Variants in CTNNAL1 observed in about 807,000 individuals in gnomAD.
CTNNAL1 encodes the protein catenin alpha like 1.
Under a neutral mutation model 93.6 loss-of-function variants are expected in CTNNAL1, and 69 were observed. The observed-to-expected ratio is 0.74, with a 90% CI of 0.61 to 0.90. The LOEUF (loss-of-function observed/expected upper bound fraction) is 0.90, where lower values mean the gene tolerates loss of function less well. CTNNAL1 is among the 40% of genes least tolerant of loss of function. The probability of loss-of-function intolerance (pLI) is 0.00; values close to 1 mark genes in which losing one functional copy is unlikely to be tolerated. For synonymous variants in CTNNAL1, 286 were observed against 305.4 expected (o/e 0.94, Z 0.66); for missense variants, 836 against 862.0 (o/e 0.97, Z 0.38).
rs778219753 is a variant in CTNNAL1, at chr9:108,999,038, AAT to A, written c.331+27_331+28del. 3.8e-5 allele frequency: 60 copies of A among 1,577,142 alleles called. No homozygotes were observed. The African/African-American group carries it at 7.2e-4, about 19-fold the overall frequency. On this transcript the variant is annotated intron_variant, in intron 2 of 18. Transcript: ENST00000325551. ...TAACCAAAGCAATAAAAGTGGTATG[AAT>A]AGTCTTCAAAATCAATATCCACCTA... is the stretch of plus-strand genomic sequence containing the variant.
At chr9:108,962,368 C>T (rs1830841123) in intron 11 of CTNNAL1, among the ~76,000 whole-genome samples, 1 of 152,118 alleles carries the variant, frequency 6.6e-6, no homozygotes, top group South Asian at 2.1e-4. Flanking sequence ...TTTTACTTTT[C>T]CTTAAACTTC....
intron 8 of CTNNAL1, among the ~76,000 whole-genome samples, chr9:108,973,428 T>G (rs1831173428): frequency 6.6e-6 from 1 of 152,204 alleles, no homozygotes; most frequent in South Asian, 2.1e-4. Context: ...ACTGTAGCAC[T>G]GTACTAGAGG....
At chr9:108,982,552 C>CA (rs1831466300) in intron 6 of CTNNAL1, among the ~76,000 whole-genome samples, 1 of 152,260 alleles carries the variant, frequency 6.6e-6, no homozygotes, top group South Asian at 2.1e-4. Flanking sequence ...AGGAAGGGAA[C>CA]ATTCTTTTGA....
chr9:108,983,225 C>T lies in CTNNAL1; in HGVS notation c.820G>A (p.Glu274Lys), dbSNP rs774871628. 53 of 1,595,552 alleles carry T rather than the reference C, an allele frequency of 3.3e-5. No homozygotes were observed. The highest frequency in any genetic ancestry group is 4.2e-5 in the Non-Finnish European group (49 of 1,170,738). Residue 274 changes from glutamate (E) to lysine (K), a missense_variant, in exon 6 of 19, where the codon GAA becomes AAA. By Grantham distance (56) the Glu-to-Lys change is moderately conservative. Coordinates refer to ENST00000325551, the MANE Select transcript of CTNNAL1 (RefSeq NM_003798.4). ...TTCGGTTTACAGTCAGTCACAATTT[C>T]AATGACCTTATCCAATGCCACTTTC... ...RMKVALDKVI[E>K]IVTDCKPNGE...
At chr9:108,995,371 A>G (rs1298357890) in intron 2 of CTNNAL1, among the ~76,000 whole-genome samples, 1 of 152,178 alleles carries the variant, frequency 6.6e-6, no homozygotes, top group Non-Finnish European at 1.5e-5. Context: ...GCCTGCACAT[A>G]TGGCATTATT....
At chr9:109,002,534 C>T (rs534657022) in intron 1 of CTNNAL1, among the ~76,000 whole-genome samples, 16 of 152,096 alleles carry the variant, frequency 1.1e-4, no homozygotes, top group South Asian at 1.0e-3. Flanking sequence ...GAATATATAC[C>T]GATGAACTGG....
intron 11 of CTNNAL1, among the ~76,000 whole-genome samples, chr9:108,962,670 T>C (rs539393599): frequency 4.6e-5 from 7 of 152,080 alleles, no homozygotes; most frequent in Non-Finnish European, 1.0e-4. Context: ...GTAGGAGAGA[T>C]TGAGATTAAG....
At position 109,007,707 on chromosome 9, in the gene CTNNAL1, T is replaced by C. The variant is rs1827075484; in HGVS notation, c.141+5595A>G. Among the ~76,000 whole-genome samples the C allele has an allele frequency of 3.3e-5, 5 of 152,252 alleles. No individual in the cohort carries two copies. The South Asian group carries it at 1.0e-3, about 31-fold the overall frequency. On this transcript the variant is annotated intron_variant, in intron 1 of 18. Coordinates refer to ENST00000325551, the MANE Select transcript of CTNNAL1 (RefSeq NM_003798.4). ...AAAACATATGAGTATATATAACATA[T>C]ATGTGTGGAGTTTAAAGAAATGAAA...
intron 3 of CTNNAL1, 150 bp from the exon 4 acceptor site, chr9:108,990,995 T>C: frequency 1.3e-6 from 1 of 788,582 alleles, no homozygotes; most frequent in Non-Finnish European, 1.9e-6. Flanking sequence ...AAGGGGATGC[T>C]CAGAGAAGTA....
intron 11 of CTNNAL1, among the ~76,000 whole-genome samples, chr9:108,957,116 ATT>A (rs760444621): frequency 7.8e-4 from 103 of 132,462 alleles, no homozygotes; most frequent in South Asian, 1.8e-3. Context: ...GCCTGTTAGA[ATT>A]TTTTTTTTTT....
At chr9:108,996,909 T>G (rs1269150059) in intron 2 of CTNNAL1, among the ~76,000 whole-genome samples, 4 of 99,090 alleles carry the variant, frequency 4.0e-5, no homozygotes, top group Admixed American at 2.4e-4. Context: ...ACAATGAGAT[T>G]ATATAACCCT....
Position 108,983,258 on chromosome 9 carries a change from C to G in CTNNAL1, c.787G>C (p.Asp263His). ...TTATCCAATGCCACTTTCATACGGT[C>G]AAATACTCCTTCTTTGTTTTTATGG... ...SAHKNKEGVF[D>H]RMKVALDKVI... is the part of the protein sequence containing the mutation. The change falls in exon 6 of 19, where the codon GAC (aspartate) becomes CAC (histidine). Residue 263 changes from aspartate (D) to histidine (H), a missense_variant. Coordinates refer to ENST00000325551, the MANE Select transcript of CTNNAL1 (RefSeq NM_003798.4). 6.3e-7 allele frequency: 1 copy of G among 1,594,778 alleles called. No homozygotes were observed. Among genetic ancestry groups the G allele is most frequent in the Non-Finnish European group, 8.5e-7 (1 of 1,170,336 alleles).
chr9:108,959,156 G>A (rs1381761587), intron 11 of CTNNAL1, among the ~76,000 whole-genome samples: 2 of 150,222 alleles, frequency 1.3e-5, no homozygotes, highest in South Asian at 2.1e-4. Flanking sequence ...TCAGGAGATC[G>A]AGACCATCCT....
intron 4 of CTNNAL1, 48 bp from the exon 5 acceptor site, chr9:108,984,484 C>A (rs1182657970): frequency 4.8e-6 from 5 of 1,031,706 alleles, no homozygotes; most frequent in Admixed American, 3.8e-5. Context: ...ATGTGAACAA[C>A]CCAATTTCTT....
intron 14 of CTNNAL1, among the ~76,000 whole-genome samples, chr9:108,950,262 C>T (rs1830521073): frequency 6.6e-6 from 1 of 152,132 alleles, no homozygotes; most frequent in Non-Finnish European, 1.5e-5. Flanking sequence ...CACAGGAGTT[C>T]CATTTTGCAT....
chr9:108,995,965 GT>G (rs11461285), intron 2 of CTNNAL1, among the ~76,000 whole-genome samples: 31 of 147,224 alleles, frequency 2.1e-4, no homozygotes, highest in South Asian at 2.2e-4. Context: ...AGACTTTAGT[GT>G]TTTTTTTTTT....
intron 10 of CTNNAL1, among the ~76,000 whole-genome samples, chr9:108,965,945 A>G (rs760708148): frequency 3.1e-4 from 47 of 152,222 alleles, no homozygotes; most frequent in Non-Finnish European, 8.8e-5. Flanking sequence ...AGTGATAATA[A>G]TAAGTAACAT....
chr9:109,001,172 C>CAAAAAAAAAAA (rs757020475), intron 1 of CTNNAL1, among the ~76,000 whole-genome samples: 1 of 56,796 alleles, frequency 1.8e-5, no homozygotes, highest in African/African-American at 7.3e-5. Context: ...ACTCCATCTC[C>CAAAAAAAAAAA]AAAAAAAAAA....
intron 8 of CTNNAL1, 35 bp from the exon 9 acceptor site, chr9:108,972,868 G>GGGGCCCCCCCCCCCGGGC: frequency 9.2e-7 from 1 of 1,092,792 alleles, no homozygotes; most frequent in Non-Finnish European, 1.2e-6. Flanking sequence ...GGGTGGGAGG[G>GGGGCCCCCCCCCCCGGGC]TGGAGAAGGA....
Sources: gnomAD v4.1 joint callset for allele counts (sites outside exome capture counted in the v4.1 genomes callset) on GRCh38, gnomAD v4.1.1 for gene constraint, MANE v1.5 for transcripts, NCBI Gene and HGNC (gene_info 2026-07-23, HGNC 2026-07-21) for gene names.